The following KAZN variants were observed in gnomAD, a reference collection of about 807,000 sequenced individuals.
The protein encoded by KAZN is kazrin.
Under a neutral mutation model 87.4 loss-of-function variants are expected in KAZN, and 40 were observed. That is an observed-to-expected ratio of 0.46 (90% CI 0.36 to 0.60). The LOEUF (loss-of-function observed/expected upper bound fraction) is 0.60, where lower values mean the gene tolerates loss of function less well. Ranked by LOEUF, KAZN falls within the 20% of genes least tolerant of loss-of-function variation. The pLI is 0.00. For missense variants in KAZN, 898 were observed against 1,073.9 expected, an observed-to-expected ratio of 0.84 and a Z score of 2.29; for synonymous variants, 466 against 458.3, an observed-to-expected ratio of 1.02 and a Z score of -0.22.
chr1:14,096,949 T>C (rs549975719), intron 1 of KAZN, among the ~76,000 whole-genome samples: 1 of 152,364 alleles, frequency 6.6e-6, no homozygotes, highest in Non-Finnish European at 1.5e-5. Flanking sequence ...GCCCAGGCTT[T>C]TCTCACGGAG....
At position 14,598,833 on chromosome 1, in the gene KAZN, C is replaced by T; in HGVS notation, c.-165C>T. 2.2e-6 allele frequency: 3 copies of T among 1,385,424 alleles called. No individual in the cohort carries two copies. The highest frequency in any genetic ancestry group is 1.9e-6 in the Non-Finnish European group (2 of 1,074,984). The allele number at this position is 1,385,424 out of a possible 1,614,324, so 85.8% of individuals were successfully genotyped here. A position where few individuals can be genotyped will look rare whatever the true frequency, so the allele number is the denominator to read the frequency against. ...TAGGGCTGGAGGCGCCGCTGTCATT[C>T]CTGTGCCGGAGGAACCGGCGCTGCC... On this transcript the variant is annotated 5_prime_UTR_variant, in exon 1 of 15. Coordinates refer to ENST00000376030, the MANE Select transcript of KAZN (RefSeq NM_201628.3). This position sits in a 1 kb window ranked among gnomAD's most constrained non-coding sequence, Gnocchi z 4.2.
chr1:14,844,293 C>G (rs1648403021), intron 1 of KAZN, among the ~76,000 whole-genome samples: 1 of 152,178 alleles, frequency 6.6e-6, no homozygotes, highest in African/African-American at 2.4e-5. Flanking sequence ...AAGCCTCAGT[C>G]TCCTCACCAT....
intron 1 of KAZN, among the ~76,000 whole-genome samples, chr1:13,989,708 G>A (rs999974616): frequency 2.0e-5 from 3 of 152,186 alleles, no homozygotes; most frequent in Non-Finnish European, 4.4e-5. Flanking sequence ...TGGGAAGGCA[G>A]AGAGGGAGAT....
At chr1:14,445,319 C>G (rs1557726338) in intron 2 of KAZN, among the ~76,000 whole-genome samples, 1 of 152,168 alleles carries the variant, frequency 6.6e-6, no homozygotes, top group Non-Finnish European at 1.5e-5. Context: ...AGCCACTGCA[C>G]CCGGCCAACT....
At chr1:14,051,622 T>A (rs1642333620) in intron 1 of KAZN, among the ~76,000 whole-genome samples, 1 of 152,116 alleles carries the variant, frequency 6.6e-6, no homozygotes, top group African/African-American at 2.4e-5. Context: ...GGAGGATCGC[T>A]TCAGTCCAGG....
At chr1:14,104,301 C>T (rs879747862) in intron 1 of KAZN, among the ~76,000 whole-genome samples, 3 of 152,208 alleles carry the variant, frequency 2.0e-5, no homozygotes, top group Non-Finnish European at 4.4e-5. Context: ...CAACTCTTGA[C>T]TCAACATCCC....
intron 1 of KAZN, among the ~76,000 whole-genome samples, chr1:14,102,470 G>A (rs1644278932): frequency 6.6e-6 from 1 of 151,804 alleles, no homozygotes; most frequent in African/African-American, 2.4e-5. Flanking sequence ...GGGAAAAATG[G>A]GTGATCCTAG....
At chr1:14,308,043 A>G (rs1424292203) in intron 2 of KAZN, among the ~76,000 whole-genome samples, 2 of 152,218 alleles carry the variant, frequency 1.3e-5, no homozygotes, top group African/African-American at 2.4e-5. Flanking sequence ...AGAACATGTC[A>G]CAGAAAACTG....
intron 2 of KAZN, among the ~76,000 whole-genome samples, chr1:15,032,732 T>C (rs1012389177): frequency 3.3e-5 from 5 of 151,724 alleles, no homozygotes; most frequent in African/African-American, 1.2e-4. Context: ...GCAGATGACT[T>C]GAGATCAGGA....
chr1:15,000,818 C>T (rs746099628), intron 2 of KAZN, among the ~76,000 whole-genome samples: 2 of 152,018 alleles, frequency 1.3e-5, no homozygotes, highest in East Asian at 1.9e-4. Context: ...CAAATTCCAG[C>T]TTTGGCCGGG....
At chr1:14,170,118 C>T (rs1295086473) in intron 1 of KAZN, among the ~76,000 whole-genome samples, 1 of 152,170 alleles carries the variant, frequency 6.6e-6, no homozygotes, top group Non-Finnish European at 1.5e-5. Flanking sequence ...CACTCTGGCC[C>T]CTCCTGGCTT....
At chr1:14,154,820 A>G (rs560258888) in intron 1 of KAZN, among the ~76,000 whole-genome samples, 1 of 152,352 alleles carries the variant, frequency 6.6e-6, no homozygotes, top group East Asian at 1.9e-4. Flanking sequence ...TTGTTGAACC[A>G]TCCTTGCATC....
intron 2 of KAZN, among the ~76,000 whole-genome samples, chr1:14,976,246 G>GCA (rs1384801501): frequency 6.6e-6 from 1 of 152,062 alleles, no homozygotes; most frequent in East Asian, 1.9e-4. Flanking sequence ...TCGGCTCACT[G>GCA]CAGCCTCAAC....
At chr1:14,049,090 A>T (rs922971306) in intron 1 of KAZN, among the ~76,000 whole-genome samples, 4 of 152,196 alleles carry the variant, frequency 2.6e-5, no homozygotes, top group East Asian at 3.8e-4. Context: ...GATAGACTGA[A>T]TTAAGAAAAT....
intron 1 of KAZN, among the ~76,000 whole-genome samples, chr1:14,064,472 C>T (rs1642924903): frequency 6.6e-6 from 1 of 152,184 alleles, no homozygotes; most frequent in African/African-American, 2.4e-5. Flanking sequence ...AAGATGGACC[C>T]CTGCTTGGAG....
intron 1 of KAZN, among the ~76,000 whole-genome samples, chr1:14,882,772 A>G (rs549415012): frequency 5.9e-5 from 9 of 152,082 alleles, no homozygotes; most frequent in Non-Finnish European, 1.3e-4. Context: ...AGCATCTAGA[A>G]ACTTCCAGAT....
chr1:14,908,982 CA>C lies in KAZN; in HGVS notation c.227-51691del, dbSNP rs770177445. On this transcript the variant is annotated intron_variant, in intron 1 of 14. Coordinates refer to ENST00000376030, the MANE Select transcript of KAZN (RefSeq NM_201628.3). The stretch of plus-strand genomic sequence containing the variant: ...TGGGTGACAGGGCGAGACTCCATCT[CA>C]AAAAAAAAAAGAGCATGTGGACTGG... 1.7e-3 allele frequency among the ~76,000 whole-genome samples: 245 copies of C among 143,704 alleles called. 5 individuals carry two copies. The East Asian group carries it at 0.04, about 24-fold the overall frequency. The allele number at this position is 143,704 out of a possible 152,430, so 94.3% of individuals were successfully genotyped here.
intron 2 of KAZN, among the ~76,000 whole-genome samples, chr1:14,374,723 G>A (rs1660763267): frequency 6.6e-6 from 1 of 152,142 alleles, no homozygotes. Flanking sequence ...TCCTGGTCAG[G>A]ACCGCGGACT....
intron 1 of KAZN, among the ~76,000 whole-genome samples, chr1:14,031,258 C>A (rs893967198): frequency 2.6e-5 from 4 of 152,158 alleles, no homozygotes; most frequent in East Asian, 1.9e-4. Flanking sequence ...TCAATAGGGA[C>A]CCACATTAAT....
Sources: gnomAD v4.1 joint callset for allele counts (sites outside exome capture counted in the v4.1 genomes callset) on GRCh38, gnomAD v4.1.1 for gene constraint, Gnocchi (gnomAD v3.1) non-coding constraint, MANE v1.5 for transcripts, NCBI Gene and HGNC (gene_info 2026-07-23, HGNC 2026-07-21) for gene names.